The following ITIH3 variants were observed in gnomAD, a reference collection of about 807,000 sequenced individuals.
ITIH3 encodes the protein inter-alpha-trypsin inhibitor heavy chain H3.
A neutral mutation model predicts 96.5 loss-of-function variants in ITIH3; 81 were observed. The ratio of observed to expected loss-of-function variants is 0.84; its 90% confidence interval spans 0.70 to 1.01. The LOEUF is 1.01. ITIH3 is among the 50% of genes least tolerant of loss of function. The pLI, the probability that ITIH3 is intolerant of heterozygous loss-of-function variation, is 0.00. For synonymous variants in ITIH3, 422 were observed against 445.2 expected (o/e 0.95, Z 0.66); for missense variants, 1,057 against 1,139.3 (o/e 0.93, Z 1.04).
At chr3:52,799,994 C>A (rs965519685) in intron 9 of ITIH3, 73 bp downstream of exon 9, 2 of 1,408,628 alleles carry the variant, frequency 1.4e-6, no homozygotes, top group Non-Finnish European at 2.0e-6. Context: ...TGCAACCCCC[C>A]TCTTAGGGAC....
At chr3:52,800,012 G>A in intron 9 of ITIH3, 91 bp downstream of exon 9, 1 of 1,260,670 alleles carries the variant, frequency 7.9e-7, no homozygotes. Context: ...GACTCTGCTG[G>A]TCTCAGGCCC....
chr3:52,799,795 G>A lies in ITIH3; in HGVS notation c.949G>A (p.Glu317Lys), dbSNP rs1699748478. The change falls in exon 9 of 22, where the codon GAA (glutamate) becomes AAA (lysine). Residue 317 changes from glutamate (E) to lysine (K), a missense_variant. Physicochemically the swap from Glu to Lys is moderately conservative, Grantham distance 56. Transcript: ENST00000449956. ...CAGAATCCTGGAAGATATGCAAGAG[G>A]AAGACTATCTGAATTTCATCCTGTT... ...LLRILEDMQE[E>K]DYLNFILFSG... 2 of 1,613,704 alleles carry A rather than the reference G, an allele frequency of 1.2e-6. No individual in the cohort carries two copies. Among genetic ancestry groups the A allele is most frequent in the Admixed American group, 1.7e-5 (1 of 60,006 alleles).
chr3:52,800,138 T>G (rs1282116568), intron 9 of ITIH3, among the ~76,000 whole-genome samples: 1 of 152,192 alleles, frequency 6.6e-6, no homozygotes, highest in East Asian at 1.9e-4. Flanking sequence ...TTCTAATCCA[T>G]GATCCTGGTA....
chr3:52,808,350 TG>T (rs1700130773), intron 21 of ITIH3, 129 bp downstream of exon 21: 6 of 1,049,494 alleles, frequency 5.7e-6, no homozygotes, highest in Non-Finnish European at 8.4e-6. Flanking sequence ...TTTGAGGTCT[TG>T]GCCCCTCCCA....
At position 52,802,756 on chromosome 3, in the gene ITIH3, CA is replaced by C; in HGVS notation, c.1660del (p.Ile554LeufsTer42). The C allele has an allele frequency of 6.2e-7, 1 of 1,614,030 alleles. No individual in the cohort carries two copies. The highest frequency in any genetic ancestry group is 8.5e-7 in the Non-Finnish European group (1 of 1,179,882). On this transcript the variant is annotated frameshift_variant, in exon 13 of 22. Coordinates refer to ENST00000449956, the MANE Select transcript of ITIH3 (RefSeq NM_002217.4). LOFTEE classifies it high-confidence loss of function. ...QERDYIFGNYIERLWAYLTIE... is the reference protein window; with the variant it reads ...QERDYIFGNYXERLWAYLTIE... ...AGCGGGACTACATCTTCGGGAATTA[CA>C]TTGAGCGGCTCTGGGCCTACCTCAC...
At chr3:52,805,977 G>A in intron 16 of ITIH3, 126 bp from the exon 17 acceptor site, 1 of 1,502,750 alleles carries the variant, frequency 6.7e-7, no homozygotes, top group Non-Finnish European at 9.1e-7. Context: ...TTGCGGGGTG[G>A]GAGGGCAATG....
At position 52,808,770 on chromosome 3, in the gene ITIH3, G is replaced by A; in HGVS notation, c.*89G>A. 2.6e-6 allele frequency: 4 copies of A among 1,521,254 alleles called. No homozygotes were observed. Among genetic ancestry groups the A allele is most frequent in the South Asian group, 1.2e-5 (1 of 86,156 alleles). 94.2% of individuals were successfully genotyped at this position (1,521,254 alleles called of 1,614,324 possible). ...CAGAGAGGGGCCTGTGGGAGGGGCT[G>A]GGAAAATAAAGTCCAAGGTCGAGAC... On this transcript the variant is annotated 3_prime_UTR_variant, in exon 22 of 22. Coordinates refer to ENST00000449956, the MANE Select transcript of ITIH3 (RefSeq NM_002217.4).
intron 5 of ITIH3, 150 bp downstream of exon 5, chr3:52,797,417 C>T: frequency 1.1e-6 from 1 of 882,458 alleles, no homozygotes; most frequent in Non-Finnish European, 1.7e-6. Flanking sequence ...TTCAATGGTT[C>T]TGGCCAAAAG....
rs56009954 is a variant in ITIH3, at chr3:52,795,591, T to C, written c.94-12T>C. On this transcript the variant is annotated splice_polypyrimidine_tract_variant and intron_variant, in intron 1 of 21. Coordinates refer to ENST00000449956, the MANE Select transcript of ITIH3 (RefSeq NM_002217.4). The stretch of plus-strand genomic sequence containing the variant: ...CTGATTCCTGTGTTTGTGTTTGTTT[T>C]TGTTTTTTCAGAAACGGAGCCTCCC... 85,946 of 1,609,424 alleles carry C rather than the reference T, an allele frequency of 0.053. 2,691 individuals carry two copies. Among genetic ancestry groups the C allele is most frequent in the Non-Finnish European group, 0.06 (70,332 of 1,177,486 alleles).
In ITIH3 at chr3:52,797,826, G is replaced by A. The variant is rs1360644965; in HGVS notation, c.559G>A (p.Asp187Asn). ...QLVKHFEIEV[D>N]IFEPQGISML... ...ACTTTGGCCATTTCAGATCGAGGTAGACATCTTCGAGCCTCAGGGAATCAG... is the reference window on the plus strand; with the variant it reads ...ACTTTGGCCATTTCAGATCGAGGTAAACATCTTCGAGCCTCAGGGAATCAG... The change falls in exon 6 of 22, where the codon GAC becomes AAC. Residue 187 changes from aspartate (D) to asparagine (N), a missense_variant. Coordinates refer to ENST00000449956, the MANE Select transcript of ITIH3 (RefSeq NM_002217.4). 2 of 1,603,002 alleles carry A rather than the reference G, an allele frequency of 1.2e-6. No homozygotes were observed. Among genetic ancestry groups the A allele is most frequent in the Non-Finnish European group, 1.7e-6 (2 of 1,174,348 alleles).
chr3:52,808,015 C>G, intron 20 of ITIH3, 95 bp from the exon 21 acceptor site: 2 of 1,566,610 alleles, frequency 1.3e-6, no homozygotes, highest in East Asian at 2.3e-5. Context: ...GCTCACAACA[C>G]CCCATTCAGC....
At chr3:52,799,630 C>A in intron 8 of ITIH3, 123 bp from the exon 9 acceptor site, 1 of 1,160,832 alleles carries the variant, frequency 8.6e-7, no homozygotes, top group Non-Finnish European at 1.2e-6. Context: ...CCTCTGCCCG[C>A]TTCTGTGGCA....
At position 52,803,935 on chromosome 3, in the gene ITIH3, C is replaced by T. The variant is rs1178006953; in HGVS notation, c.1790C>T (p.Pro597Leu). The change falls in exon 14 of 22, where the codon CCA (proline) becomes CTA (leucine). Residue 597 changes from proline (P) to leucine (L), a missense_variant. Pro to Leu is a moderately conservative substitution (Grantham distance 98). Transcript: ENST00000449956. ...DLSLKYHFVT[P>L]LTSMVVTKPE... ...TCCCTCAAGTATCACTTTGTGACTC[C>T]ACTGACCTCAATGGTGGTGACCAAG... 3.7e-6 allele frequency: 6 copies of T among 1,613,760 alleles called. No individual in the cohort carries two copies. Among genetic ancestry groups the T allele is most frequent in the Admixed American group, 3.3e-5 (2 of 59,988 alleles).
At chr3:52,807,228 C>T in intron 19 of ITIH3, 123 bp downstream of exon 19, 1 of 861,022 alleles carries the variant, frequency 1.2e-6, no homozygotes, top group South Asian at 1.8e-5. Flanking sequence ...ATCAGAGACC[C>T]CAGAATCCAG....
rs761558025 is a variant in ITIH3, at chr3:52,799,824, T to C, written c.978T>C (p.Ser326=). 1.9e-6 allele frequency: 3 copies of C among 1,613,654 alleles called. No homozygotes were observed. In the African/African-American group the frequency reaches 4.0e-5, roughly 22 times the overall value. Residue 326 remains serine (S), a synonymous_variant, in exon 9 of 22, where the codon AGT becomes AGC. Transcript: ENST00000449956. ...ACTATCTGAATTTCATCCTGTTCAG[T>C]GGAGATGTGTCCACATGGAAAGAGC... is the stretch of plus-strand genomic sequence containing the variant. ...EEDYLNFILF[S]GDVSTWKEHL...
rs369673357 is a variant in ITIH3 at position 52,798,999 on chromosome 3, C to T, written c.697C>T (p.Gln233Ter). Residue 233 changes from glutamine to a stop codon, truncating the protein, a stop_gained, in exon 7 of 22, where the codon CAG becomes TAG. Coordinates refer to ENST00000449956, the MANE Select transcript of ITIH3 (RefSeq NM_002217.4). LOFTEE classifies it high-confidence loss of function. ...GTCCTTCAAGCCCAGCTTAGACCAA[C>T]AGCGTTCATGCCCAACCTGTACAGA... is the stretch of plus-strand genomic sequence containing the variant. The part of the protein sequence containing the change: ...HVSFKPSLDQ[Q>*]RSCPTCTDSL... 1.2e-6 allele frequency: 2 copies of T among 1,613,618 alleles called. No homozygotes were observed. The highest frequency in any genetic ancestry group is 2.2e-5 in the East Asian group (1 of 44,880).
chr3:52,798,882 T>C, intron 6 of ITIH3, 84 bp from the exon 7 acceptor site: 1 of 1,524,252 alleles, frequency 6.6e-7, no homozygotes, highest in Non-Finnish European at 9.0e-7. Context: ...AGGCTGCACC[T>C]CTGCTCCCTC....
intron 15 of ITIH3, chr3:52,805,297 C>T (rs1049607463): frequency 9.9e-7 from 1 of 1,008,052 alleles, no homozygotes; most frequent in African/African-American, 1.7e-5. Flanking sequence ...CCTGCCCCAC[C>T]TCCATTTGGA....
Position 52,797,838 on chromosome 3 carries a change from C to T in ITIH3, c.571C>T (p.Pro191Ser). The T allele has an allele frequency of 6.2e-7, 1 of 1,607,794 alleles. No homozygotes were observed. The highest frequency in any genetic ancestry group is 8.5e-7 in the Non-Finnish European group (1 of 1,177,200). Residue 191 changes from proline to serine, a missense_variant, in exon 6 of 22, where the codon CCT (proline) becomes TCT (serine). Transcript: ENST00000449956. Reference sequence around the variant, plus strand: ...TCAGATCGAGGTAGACATCTTCGAGCCTCAGGGAATCAGCATGCTGGATGC... The same window carrying T: ...TCAGATCGAGGTAGACATCTTCGAGTCTCAGGGAATCAGCATGCTGGATGC... Reference protein sequence around the residue: ...HFEIEVDIFEPQGISMLDAEA... With the variant: ...HFEIEVDIFESQGISMLDAEA...
Sources: gnomAD v4.1 joint callset for allele counts (sites outside exome capture counted in the v4.1 genomes callset) on GRCh38, gnomAD v4.1.1 for gene constraint, MANE v1.5 for transcripts, NCBI Gene and HGNC (gene_info 2026-07-23, HGNC 2026-07-21) for gene names.